MARCHF1: variants seen among roughly 807,000 people sequenced by gnomAD.
MARCHF1 encodes the protein membrane associated ring-CH-type finger 1, also known as E3 ubiquitin-protein ligase MARCHF1.
A neutral mutation model predicts 54.2 loss-of-function variants in MARCHF1; 40 were observed. The observed-to-expected ratio is 0.74, with a 90% CI of 0.57 to 0.96. The LOEUF (loss-of-function observed/expected upper bound fraction) is 0.96. Among genes scored for constraint, MARCHF1 ranks in the 40% least tolerant of loss-of-function variants. The pLI is 0.00. For missense variants in MARCHF1, 586 were observed against 656.5 expected, an observed-to-expected ratio of 0.89 and a Z score of 1.17; for synonymous variants, 236 against 236.3, an observed-to-expected ratio of 1.00 and a Z score of 0.01.
intron 5 of MARCHF1, among the ~76,000 whole-genome samples, chr4:163,629,372 G>T (rs114583258): frequency 6.6e-6 from 1 of 151,974 alleles, no homozygotes; most frequent in Non-Finnish European, 1.5e-5. Flanking sequence ...AGCTGAAACC[G>T]GATCCCTTTT....
intron 1 of MARCHF1, among the ~76,000 whole-genome samples, chr4:164,184,468 T>A (rs1730914270): frequency 1.3e-5 from 2 of 152,194 alleles, no homozygotes; most frequent in Admixed American, 1.3e-4. Flanking sequence ...ATGTCCATTG[T>A]TACATACACA....
intron 3 of MARCHF1, among the ~76,000 whole-genome samples, chr4:163,930,494 T>C (rs1751648018): frequency 6.6e-6 from 1 of 150,622 alleles, no homozygotes; most frequent in African/African-American, 2.4e-5. Flanking sequence ...TTTTTTTTTT[T>C]CTGGTGTGAT....
intron 7 of MARCHF1, among the ~76,000 whole-genome samples, chr4:163,598,814 A>T (rs897447939): frequency 6.6e-6 from 1 of 152,194 alleles, no homozygotes; most frequent in African/African-American, 2.4e-5. Flanking sequence ...TTTATAAAAA[A>T]TATTTTTCTT....
intron 4 of MARCHF1, among the ~76,000 whole-genome samples, chr4:163,778,849 A>T (rs551849867): frequency 6.6e-6 from 1 of 152,188 alleles, no homozygotes; most frequent in Admixed American, 6.5e-5. Flanking sequence ...AGAGACTAGA[A>T]TGAGTGAGAG....
At chr4:163,664,606 T>C (rs1561006258) in intron 5 of MARCHF1, among the ~76,000 whole-genome samples, 1 of 152,058 alleles carries the variant, frequency 6.6e-6, no homozygotes, top group African/African-American at 2.4e-5. Context: ...CTAAAAATCA[T>C]GTTTTAAGTT....
At position 164,000,038 on chromosome 4, in the gene MARCHF1, C is replaced by G. The variant is rs1482485988; in HGVS notation, c.-247-11329G>C. On this transcript the variant is annotated intron_variant, in intron 2 of 9. Coordinates refer to ENST00000514618, the MANE Select transcript of MARCHF1 (RefSeq NM_001394959.1). Reference sequence around the variant, plus strand: ...GATTGATCATGGATCCCTGATTACACTGCCCTTGAAATCCATGCTGCAAAG... The same window carrying G: ...GATTGATCATGGATCCCTGATTACAGTGCCCTTGAAATCCATGCTGCAAAG... Among the ~76,000 whole-genome samples the G allele has an allele frequency of 4.6e-5, 7 of 151,784 alleles. No individual in the cohort carries two copies. The East Asian group carries it at 1.4e-3, about 29-fold the overall frequency.
intron 1 of MARCHF1, among the ~76,000 whole-genome samples, chr4:164,214,938 C>T (rs535331011): frequency 2.6e-4 from 40 of 152,252 alleles, no homozygotes; most frequent in Admixed American, 8.5e-4. Context: ...CCCCGCCGCT[C>T]AAACCTCAGA....
chr4:164,106,257 C>T (rs1382350683), intron 2 of MARCHF1, among the ~76,000 whole-genome samples: 1 of 106,500 alleles, frequency 9.4e-6, no homozygotes. Flanking sequence ...CCAGCCATCC[C>T]ATTACTGGGT....
intron 9 of MARCHF1, among the ~76,000 whole-genome samples, chr4:163,531,710 T>TA (rs1317615294): frequency 7.9e-5 from 12 of 151,800 alleles, no homozygotes; most frequent in Non-Finnish European, 1.3e-4. Context: ...GTTTTTTTTT[T>TA]AAATAGGTGA....
chr4:164,343,970 A>G (rs1185056870), intron 1 of MARCHF1, among the ~76,000 whole-genome samples: 2 of 152,186 alleles, frequency 1.3e-5, no homozygotes, highest in African/African-American at 4.8e-5. Context: ...TCATGGAATC[A>G]ACCTAAATGC....
rs1346245061 is a variant in MARCHF1 at position 163,664,307 on chromosome 4, TGAAAAGA to T, written c.162+36499_162+36505del. ...AGATGTATACAGAAGATCAAGTTAA[TGAAAAGA>T]TACTTTGAAATACAGTAACTGGATA... On this transcript the variant is annotated intron_variant, in intron 5 of 9. Transcript: ENST00000514618. Among the ~76,000 whole-genome samples the T allele has an allele frequency of 2.0e-4, 31 of 152,184 alleles. 2 individuals are homozygous for T. In the South Asian group the frequency reaches 6.2e-3, roughly 31 times the overall value.
At chr4:163,894,893 T>C (rs189857564) in intron 3 of MARCHF1, among the ~76,000 whole-genome samples, 1,672 of 18,070 alleles carry the variant, frequency 0.093, 371 homozygotes, top group South Asian at 0.33. Flanking sequence ...TGCATATATA[T>C]ATGCATGTGA....
chr4:164,274,659 CTTTTTTTTTTTTTTTTTTTTTTT>C (rs70952617), intron 1 of MARCHF1, among the ~76,000 whole-genome samples: 1 of 44,644 alleles, frequency 2.2e-5, no homozygotes, highest in Non-Finnish European at 4.8e-5. Flanking sequence ...TCAGGGTACA[CTTTTTTTTTTTTTTTTTTTTTTT>C]TTTTTTTTTT....
In MARCHF1 at chr4:163,849,210, G is replaced by A. The variant is rs565734110; in HGVS notation, c.111+4811C>T. 9.9e-5 allele frequency among the ~76,000 whole-genome samples: 15 copies of A among 152,272 alleles called. No homozygotes were observed. In the South Asian group the frequency reaches 2.9e-3, roughly 29 times the overall value. On this transcript the variant is annotated intron_variant, in intron 4 of 9. Transcript: ENST00000514618. ...ACAAGTTATTACCTAAGTCACCTTG[G>A]ACAGGTTTTTAAATTTCTCTATACC...
intron 1 of MARCHF1, among the ~76,000 whole-genome samples, chr4:164,253,211 ATGTCT>A (rs1733175471): frequency 6.6e-6 from 1 of 152,302 alleles, no homozygotes; most frequent in East Asian, 1.9e-4. Flanking sequence ...GATTGTAAAA[ATGTCT>A]TGTAAATACT....
At chr4:163,970,884 C>T (rs937751258) in intron 3 of MARCHF1, among the ~76,000 whole-genome samples, 7 of 152,166 alleles carry the variant, frequency 4.6e-5, no homozygotes, top group Admixed American at 3.9e-4. Context: ...AGCCTCTTCA[C>T]CTACCTTGGT....
chr4:163,759,686 T>C (rs1488559834), intron 4 of MARCHF1, among the ~76,000 whole-genome samples: 1 of 152,202 alleles, frequency 6.6e-6, no homozygotes. Context: ...AAGTTACTGT[T>C]GCACATGTTA....
At chr4:163,839,794 C>T (rs1223530764) in intron 4 of MARCHF1, among the ~76,000 whole-genome samples, 1 of 151,976 alleles carries the variant, frequency 6.6e-6, no homozygotes, top group African/African-American at 2.4e-5. Context: ...TTAGATTATA[C>T]CGATGATTGC....
At chr4:164,144,601 T>G (rs1291197034) in intron 1 of MARCHF1, among the ~76,000 whole-genome samples, 7 of 148,434 alleles carry the variant, frequency 4.7e-5, no homozygotes, top group Admixed American at 4.7e-4. Context: ...AAGGCAGAAA[T>G]AAAGATGTTC....
Sources: gnomAD v4.1 joint callset for allele counts (sites outside exome capture counted in the v4.1 genomes callset) on GRCh38, gnomAD v4.1.1 for gene constraint, MANE v1.5 for transcripts, NCBI Gene and HGNC (gene_info 2026-07-23, HGNC 2026-07-21) for gene names.